The following ABCC11 variants were observed in gnomAD, a reference collection of about 807,000 sequenced individuals.
The protein encoded by ABCC11 is ATP binding cassette subfamily C member 11.
A neutral mutation model predicts 149.3 loss-of-function variants in ABCC11; 135 were observed. The observed-to-expected ratio is 0.90, with a 90% CI of 0.79 to 1.04. The LOEUF (loss-of-function observed/expected upper bound fraction) is 1.04, where lower values mean the gene tolerates loss of function less well. ABCC11 is among the 50% of genes least tolerant of loss of function. The probability of loss-of-function intolerance (pLI) is 0.00; values close to 1 mark genes in which losing one functional copy is unlikely to be tolerated. For missense variants in ABCC11, 1,680 were observed against 1,722.1 expected (o/e 0.98, Z 0.43); for synonymous variants, 665 against 671.4 (o/e 0.99, Z 0.15).
intron 4 of ABCC11, 22 bp downstream of exon 4, chr16:48,227,784 G>C: frequency 6.2e-7 from 1 of 1,613,640 alleles, no homozygotes; most frequent in Non-Finnish European, 8.5e-7. Context: ...CCTATCCACT[G>C]GTTTGCCCAG....
intron 1 of ABCC11, among the ~76,000 whole-genome samples, chr16:48,235,403 ACT>A: frequency 6.6e-6 from 1 of 152,190 alleles, no homozygotes; most frequent in Non-Finnish European, 1.5e-5. Context: ...ACATAGTGTG[ACT>A]CTTTCCTATT....
intron 23 of ABCC11, among the ~76,000 whole-genome samples, chr16:48,179,674 C>T (rs775629502): frequency 7.9e-5 from 12 of 152,160 alleles, no homozygotes; most frequent in East Asian, 1.9e-4. Flanking sequence ...TGCAGAGGGG[C>T]GCACTCCACA....
At chr16:48,226,072 C>CATTATT (rs141311389) in intron 4 of ABCC11, among the ~76,000 whole-genome samples, 6 of 150,212 alleles carry the variant, frequency 4.0e-5, no homozygotes, top group African/African-American at 7.4e-5. Flanking sequence ...TTTCCAGGTA[C>CATTATT]ATTATTATTA....
intron 15 of ABCC11, 119 bp from the exon 16 acceptor site, chr16:48,198,394 G>A (rs986942166): frequency 2.0e-5 from 22 of 1,126,616 alleles, no homozygotes; most frequent in Admixed American, 1.2e-4. Flanking sequence ...ACCAACAGAT[G>A]AGCAAACATT....
chr16:48,208,203 G>A (rs980886136), intron 12 of ABCC11, among the ~76,000 whole-genome samples: 16 of 152,264 alleles, frequency 1.1e-4, no homozygotes, highest in African/African-American at 3.6e-4. Context: ...GACATAAGAG[G>A]CAGCTTGCAC....
intron 1 of ABCC11, among the ~76,000 whole-genome samples, chr16:48,243,676 T>C (rs956603382): frequency 3.9e-5 from 6 of 152,190 alleles, no homozygotes; most frequent in Non-Finnish European, 7.3e-5. Context: ...ATATAGGAAC[T>C]CTGCTGTAGT....
At chr16:48,165,040 G>A (rs1381671799), downstream of ABCC11, 1 of 152,106 alleles carries the variant, frequency 6.6e-6, no homozygotes, top group Non-Finnish European at 1.5e-5. Context: ...GCATTTTTGG[G>A]ACGAGGCTGC....
chr16:48,175,218 G>C (rs111239188), intron 26 of ABCC11, 40 bp downstream of exon 26: 8 of 1,583,706 alleles, frequency 5.1e-6, no homozygotes, highest in African/African-American at 4.0e-5. Context: ...CTGGTCCTGT[G>C]ACCCACCTCC....
rs1411058119 is a variant in ABCC11 at position 48,216,159 on chromosome 16, A to G, written c.906T>C (p.Thr302=). Residue 302 remains threonine (T), a synonymous_variant, in exon 7 of 30, where the codon ACT becomes ACC. Coordinates refer to ENST00000356608, the MANE Select transcript of ABCC11 (RefSeq NM_001370497.1). ...SISSYFIIGY[T]AFIAILCYLL... is the part of the protein sequence containing the mutation. ...GATAGCATAAGATGGCAATAAATGC[A>G]GTGTATCCAATAATGAAGTAGGAAG... The G allele has an allele frequency of 1.2e-6, 2 of 1,614,230 alleles. No individual in the cohort carries two copies. The highest frequency in any genetic ancestry group is 1.7e-6 in the Non-Finnish European group (2 of 1,180,038).
intron 7 of ABCC11, among the ~76,000 whole-genome samples, chr16:48,215,786 C>T (rs886688016): frequency 2.0e-5 from 3 of 152,212 alleles, no homozygotes; most frequent in African/African-American, 7.2e-5. Flanking sequence ...TAAATGCTGG[C>T]TGTGTTATTA....
chr16:48,200,884 A>G (rs1967913169), intron 14 of ABCC11, among the ~76,000 whole-genome samples: 1 of 152,226 alleles, frequency 6.6e-6, no homozygotes. Context: ...GAGCTAGTAG[A>G]TAGGATTGAA....
chr16:48,215,209 T>C lies in ABCC11; in HGVS notation c.1087A>G (p.Lys363Glu). Reference sequence around the variant, plus strand: ...AGACTTTCCATACCTTCAATGATTTTTGCAAATGGTTTCTCCCATGTGTAC... The same window carrying C: ...AGACTTTCCATACCTTCAATGATTTCTGCAAATGGTTTCTCCCATGTGTAC... ...KMYTWEKPFAKIIEDLRRKER... is the reference protein window; with the variant it reads ...KMYTWEKPFAEIIEDLRRKER... The change falls in exon 8 of 30, where the codon AAA becomes GAA. Residue 363 changes from lysine (K) to glutamate (E), a missense_variant. By Grantham distance (56) the Lys-to-Glu change is moderately conservative. Transcript: ENST00000356608. The C allele has an allele frequency of 6.2e-7, 1 of 1,609,992 alleles. No homozygotes were observed.
At chr16:48,194,180 C>G (rs1967182181) in intron 18 of ABCC11, among the ~76,000 whole-genome samples, 198 bp from the exon 19 acceptor site, 1 of 152,188 alleles carries the variant, frequency 6.6e-6, no homozygotes, top group Admixed American at 6.5e-5. Context: ...CCACCACTTC[C>G]AAACCGTGTG....
intron 3 of ABCC11, 99 bp downstream of exon 3, chr16:48,230,338 A>C: frequency 7.1e-7 from 1 of 1,402,530 alleles, no homozygotes; most frequent in South Asian, 1.6e-5. Context: ...CTGTGTAGGG[A>C]TGTAGTTATG....
intron 7 of ABCC11, 123 bp from the exon 8 acceptor site, chr16:48,215,467 C>A: frequency 8.6e-7 from 1 of 1,164,714 alleles, no homozygotes; most frequent in Non-Finnish European, 1.2e-6. Flanking sequence ...GTTTTCCAAT[C>A]AAAGCTCTCC....
intron 27 of ABCC11, 84 bp downstream of exon 27, chr16:48,170,805 C>G: frequency 7.9e-7 from 1 of 1,264,296 alleles, no homozygotes; most frequent in South Asian, 1.3e-5. Context: ...GCAGCTGGAA[C>G]ACCACATGAG....
intron 20 of ABCC11, among the ~76,000 whole-genome samples, chr16:48,190,360 T>C (rs1966865196): frequency 6.6e-6 from 1 of 151,546 alleles, no homozygotes; most frequent in South Asian, 2.1e-4. Context: ...CATAAGCAAT[T>C]TGGTTTTTTT....
Position 48,170,094 on chromosome 16 carries a change from G to A in ABCC11, c.3891+11C>T. Reference sequence around the variant, plus strand: ...TGGCTTCCCCTGGCCACACGGCAGTGGTGGCCTCACCTTGGAGTTGCGAAG... The same window carrying A: ...TGGCTTCCCCTGGCCACACGGCAGTAGTGGCCTCACCTTGGAGTTGCGAAG... On this transcript the variant is annotated intron_variant, in intron 28 of 29. Transcript: ENST00000356608. The A allele has an allele frequency of 1.2e-6, 2 of 1,607,202 alleles. No individual in the cohort carries two copies. The highest frequency in any genetic ancestry group is 1.7e-5 in the Admixed American group (1 of 59,872).
intron 1 of ABCC11, among the ~76,000 whole-genome samples, chr16:48,237,104 G>A (rs1970728452): frequency 6.6e-6 from 1 of 152,180 alleles, no homozygotes; most frequent in Admixed American, 6.5e-5. Flanking sequence ...TTGTAAGCTG[G>A]TTTTAGAAGT....
Sources: allele counts gnomAD v4.1 joint callset (sites outside exome capture counted in the v4.1 genomes callset), GRCh38; gene constraint gnomAD v4.1.1; transcripts MANE v1.5; gene names NCBI Gene and HGNC (gene_info 2026-07-23, HGNC 2026-07-21).